FSTL4: variants seen among roughly 807,000 people sequenced by gnomAD.
The protein encoded by FSTL4 is follistatin like 4.
FSTL4 carries 28 observed loss-of-function variants against 78.2 expected under a neutral mutation model. That is an observed-to-expected ratio of 0.36 (90% CI 0.27 to 0.49). The LOEUF is 0.49. FSTL4 is among the 20% of genes least tolerant of loss of function. The probability of loss-of-function intolerance (pLI) is 0.98; values close to 1 mark genes in which losing one functional copy is unlikely to be tolerated. For synonymous variants in FSTL4, 422 were observed against 440.5 expected, an observed-to-expected ratio of 0.96 and a Z score of 0.53; for missense variants, 922 against 1,084.9, an observed-to-expected ratio of 0.85 and a Z score of 2.11.
intron 11 of FSTL4, among the ~76,000 whole-genome samples, chr5:133,221,918 T>TTTTG (rs1554097237): frequency 7.6e-6 from 1 of 132,388 alleles, no homozygotes; most frequent in Admixed American, 7.4e-5. Context: ...TTTTTTTTTT[T>TTTTG]TTTTTTTTTA....
At chr5:133,334,657 A>G (rs1191442368) in intron 4 of FSTL4, among the ~76,000 whole-genome samples, 1 of 152,184 alleles carries the variant, frequency 6.6e-6, no homozygotes, top group Non-Finnish European at 1.5e-5. Flanking sequence ...ATGTTTCTCA[A>G]TATGTCTGAA....
chr5:133,294,206 C>G (rs1753333138), intron 6 of FSTL4, among the ~76,000 whole-genome samples: 2 of 152,146 alleles, frequency 1.3e-5, no homozygotes, highest in Admixed American at 1.3e-4. Context: ...CTTGTTTTCC[C>G]ATAGAAGAGT....
At chr5:133,384,415 T>C (rs1207156068) in intron 4 of FSTL4, among the ~76,000 whole-genome samples, 1 of 152,226 alleles carries the variant, frequency 6.6e-6, no homozygotes, top group Non-Finnish European at 1.5e-5. Context: ...ACTTGGCTCT[T>C]GTCAGTTGAA....
the FSTL4 span, among the ~76,000 whole-genome samples, chr5:133,699,365 T>C: frequency 6.6e-6 from 1 of 151,864 alleles, no homozygotes; most frequent in Admixed American, 6.6e-5. Flanking sequence ...ATAAGGACCA[T>C]TTGCATCAAA....
the FSTL4 span, among the ~76,000 whole-genome samples, chr5:133,750,761 C>T: frequency 6.6e-6 from 1 of 152,088 alleles, no homozygotes; most frequent in African/African-American, 2.4e-5. Flanking sequence ...ACAGGGTGGG[C>T]CTCAATAATG....
chr5:133,201,874 C>T (rs1444853770), intron 15 of FSTL4, 59 bp downstream of exon 15: 1 of 966,048 alleles, frequency 1.0e-6, no homozygotes, highest in Non-Finnish European at 1.6e-6. Context: ...GCAATGCTGC[C>T]CCTTGCAGGG....
the FSTL4 span, among the ~76,000 whole-genome samples, chr5:133,636,705 T>G: frequency 6.6e-6 from 1 of 152,190 alleles, no homozygotes; most frequent in African/African-American, 2.4e-5. Context: ...GCTGTTATGA[T>G]TATTATTGTT....
chr5:133,632,971 T>C, the FSTL4 span, among the ~76,000 whole-genome samples: 1 of 152,150 alleles, frequency 6.6e-6, no homozygotes, highest in Non-Finnish European at 1.5e-5. Context: ...TACAGATGTG[T>C]ACCACTGTGC....
chr5:133,468,878 G>A (rs1461095733), intron 3 of FSTL4, among the ~76,000 whole-genome samples: 2 of 152,208 alleles, frequency 1.3e-5, no homozygotes, highest in Admixed American at 6.5e-5. Flanking sequence ...TAACACACAC[G>A]AGGGAAGAGC....
At chr5:133,719,467 C>T in the FSTL4 span, among the ~76,000 whole-genome samples, 3 of 151,852 alleles carry the variant, frequency 2.0e-5, no homozygotes, top group African/African-American at 4.8e-5. Flanking sequence ...GTCGGGAGTT[C>T]GAAACCAGAC....
rs1055798577 is a variant in FSTL4, at chr5:133,440,456, A to C, written c.161-39470T>G. 6.6e-6 allele frequency among the ~76,000 whole-genome samples: 1 copy of C among 152,214 alleles called. No homozygotes were observed. The highest frequency in any genetic ancestry group is 2.4e-5 in the African/African-American group (1 of 41,462). ...ATGTGGGGCTGCACTGAGCCCTTACATCTGGCTGGCCGACCAAGCTGCTTA... is the reference window on the plus strand; with the variant it reads ...ATGTGGGGCTGCACTGAGCCCTTACCTCTGGCTGGCCGACCAAGCTGCTTA... On this transcript the variant is annotated intron_variant, in intron 3 of 15. Coordinates refer to ENST00000265342, the MANE Select transcript of FSTL4 (RefSeq NM_015082.2). This position sits in a 1 kb window ranked among gnomAD's most constrained non-coding sequence, Gnocchi z 4.1.
the FSTL4 span, among the ~76,000 whole-genome samples, chr5:133,825,707 C>A: frequency 6.6e-6 from 1 of 152,212 alleles, no homozygotes; most frequent in African/African-American, 2.4e-5. Context: ...CTTGAGTGCC[C>A]TCGGTCTGGA....
intron 3 of FSTL4, among the ~76,000 whole-genome samples, chr5:133,501,269 G>T: frequency 6.7e-6 from 1 of 149,480 alleles, no homozygotes; most frequent in South Asian, 2.1e-4. Flanking sequence ...ACAATTTTAA[G>T]AAAAAAAAAA....
chr5:133,826,564 T>A, the FSTL4 span, among the ~76,000 whole-genome samples: 334 of 152,292 alleles, frequency 2.2e-3, 2 homozygotes, highest in Middle Eastern at 6.8e-3. Flanking sequence ...CCACACTGCC[T>A]CCTCTTCGTG....
At chr5:133,653,006 G>A in the FSTL4 span, among the ~76,000 whole-genome samples, 1 of 152,112 alleles carries the variant, frequency 6.6e-6, no homozygotes, top group Non-Finnish European at 1.5e-5. Context: ...CCAGAAAATA[G>A]TCTATATAGA....
intron 3 of FSTL4, among the ~76,000 whole-genome samples, chr5:133,533,938 T>C (rs936459554): frequency 6.6e-6 from 1 of 152,118 alleles, no homozygotes; most frequent in Non-Finnish European, 1.5e-5. Flanking sequence ...GTGCTCCTCA[T>C]CTACATCTCC....
the FSTL4 span, among the ~76,000 whole-genome samples, chr5:133,797,980 A>AACAC: frequency 1.1e-4 from 16 of 151,242 alleles, no homozygotes; most frequent in East Asian, 1.4e-3. Context: ...CACCCCCACA[A>AACAC]ACACACACAC....
intron 3 of FSTL4, among the ~76,000 whole-genome samples, chr5:133,429,909 G>T (rs1336499028): frequency 6.6e-6 from 1 of 152,180 alleles, no homozygotes; most frequent in Non-Finnish European, 1.5e-5. Flanking sequence ...CTGTGCCAGA[G>T]TTCACATATT....
At chr5:133,695,179 G>A in the FSTL4 span, among the ~76,000 whole-genome samples, 7 of 152,080 alleles carry the variant, frequency 4.6e-5, no homozygotes, top group African/African-American at 1.7e-4. Flanking sequence ...CCTCATGATC[G>A]TCATCATCAA....
Sources: allele counts gnomAD v4.1 joint callset (sites outside exome capture counted in the v4.1 genomes callset), GRCh38; gene constraint gnomAD v4.1.1; non-coding constraint Gnocchi (gnomAD v3.1); transcripts MANE v1.5; gene names NCBI Gene and HGNC (gene_info 2026-07-23, HGNC 2026-07-21).